NOXRED1: variants seen among roughly 807,000 people sequenced by gnomAD.
The protein encoded by NOXRED1 is NADP-dependent oxidoreductase domain-containing protein 1.
NOXRED1 carries 20 observed loss-of-function variants against 30.4 expected under a neutral mutation model. The ratio of observed to expected loss-of-function variants is 0.66; its 90% CI spans 0.46 to 0.96. The LOEUF is 0.96. NOXRED1 is among the 40% of genes least tolerant of loss of function. The pLI is 0.00. For synonymous variants in NOXRED1, 155 were observed against 168.0 expected (o/e 0.92, Z 0.60); for missense variants, 374 against 428.0 (o/e 0.87, Z 1.11).
chr14:77,415,901 A>C (rs1894808841), intron 1 of NOXRED1, among the ~76,000 whole-genome samples: 2 of 152,014 alleles, frequency 1.3e-5, no homozygotes, highest in African/African-American at 4.8e-5. Flanking sequence ...TTTTTAGTAG[A>C]GATGAGGTTC....
At chr14:77,408,433 T>G (rs1267391311) in intron 2 of NOXRED1, among the ~76,000 whole-genome samples, 1 of 151,870 alleles carries the variant, frequency 6.6e-6, no homozygotes, top group African/African-American at 2.4e-5. Flanking sequence ...AGGACTCAAG[T>G]GATCCTCCCA....
chr14:77,394,844 T>G (rs771348792), intron 5 of NOXRED1, 39 bp from the exon 6 acceptor site: 1 of 1,473,588 alleles, frequency 6.8e-7, no homozygotes, highest in East Asian at 2.3e-5. Flanking sequence ...TTATGTCTGT[T>G]CAGTATATCT....
intron 2 of NOXRED1, among the ~76,000 whole-genome samples, chr14:77,413,107 C>G (rs1385940098): frequency 6.6e-6 from 1 of 152,060 alleles, no homozygotes; most frequent in African/African-American, 2.4e-5. Context: ...CCCATTTAAC[C>G]CATACCTCTC....
intron 5 of NOXRED1, among the ~76,000 whole-genome samples, chr14:77,401,329 G>A (rs868529523): frequency 3.3e-5 from 5 of 151,826 alleles, no homozygotes; most frequent in South Asian, 2.1e-4. Flanking sequence ...CCAAGATGGC[G>A]CCACTGCACT....
In NOXRED1 at chr14:77,422,788, C is replaced by T. The variant is rs371769717; in HGVS notation, c.102G>A (p.Met34Ile). The change falls in exon 1 of 6, where the codon ATG becomes ATA. Residue 34 changes from methionine (M) to isoleucine (I), a missense_variant. Transcript: ENST00000380835. ...LYLQGRSRGL[M>I]IEACAHATFF... ...AGGTTGCATGGGCACAAGCCTCGATCATCAGTCCCCGAGAACGGCCCTGCA... is the reference window on the plus strand; with the variant it reads ...AGGTTGCATGGGCACAAGCCTCGATTATCAGTCCCCGAGAACGGCCCTGCA... 7 of 1,614,034 alleles carry T rather than the reference C, an allele frequency of 4.3e-6. No homozygotes were observed. Among genetic ancestry groups the T allele is most frequent in the African/African-American group, 2.7e-5 (2 of 74,936 alleles).
intron 5 of NOXRED1, among the ~76,000 whole-genome samples, chr14:77,403,877 GAAA>G (rs1325854412): frequency 6.6e-6 from 1 of 152,070 alleles, no homozygotes; most frequent in Non-Finnish European, 1.5e-5. Flanking sequence ...TCTAGAAGCT[GAAA>G]GACAATGAAG....
intron 2 of NOXRED1, among the ~76,000 whole-genome samples, chr14:77,408,892 A>ATTTTTTTTTTTTATTTTTTTTTTTTTTTT (rs1894557117): frequency 1.5e-5 from 1 of 68,154 alleles, no homozygotes; most frequent in Non-Finnish European, 2.7e-5. Context: ...CTGGTAGTTA[A>ATTTTTTTTTTTTATTTTTTTTTTTTTTTT]TTTTTTTTTT....
chr14:77,419,428 T>G (rs1164531443), intron 1 of NOXRED1, among the ~76,000 whole-genome samples: 1 of 83,900 alleles, frequency 1.2e-5, no homozygotes, highest in African/African-American at 4.0e-5. Flanking sequence ...GGTTGACAGG[T>G]TTTTTTTTTT....
chr14:77,412,854 T>C (rs979235447), intron 2 of NOXRED1, among the ~76,000 whole-genome samples: 1 of 151,266 alleles, frequency 6.6e-6, no homozygotes, highest in East Asian at 1.9e-4. Flanking sequence ...TGATACATTA[T>C]GTAAAAAAAA....
At chr14:77,407,937 G>A (rs1202685635) in intron 2 of NOXRED1, among the ~76,000 whole-genome samples, 5 of 145,992 alleles carry the variant, frequency 3.4e-5, no homozygotes, top group African/African-American at 5.0e-5. Flanking sequence ...GCGTAATCTC[G>A]GCTCACTGCA....
chr14:77,423,613 C>T (rs1895058240), upstream of NOXRED1: 1 of 152,170 alleles, frequency 6.6e-6, no homozygotes, highest in Admixed American at 6.6e-5. Flanking sequence ...AAGAGGCCAG[C>T]CCCACTTAGA....
intron 5 of NOXRED1, among the ~76,000 whole-genome samples, chr14:77,403,442 G>C (rs1476551208): frequency 2.0e-5 from 3 of 151,936 alleles, no homozygotes; most frequent in Non-Finnish European, 4.4e-5. Context: ...CCATCTATTG[G>C]ATTATTTTGA....
chr14:77,417,358 C>G (rs535078226), intron 1 of NOXRED1, among the ~76,000 whole-genome samples: 2 of 152,290 alleles, frequency 1.3e-5, no homozygotes, highest in Admixed American at 1.3e-4. Flanking sequence ...AACCTTTTGT[C>G]TGGTTGTTCT....
chr14:77,413,947 C>T lies in NOXRED1; in HGVS notation c.336G>A (p.Arg112=). ...PAESLRISTR[R]PETLGELQKL... is the part of the protein sequence containing the mutation. ...ACTGCTCCTCACCCAGAGTCTCTGG[C>T]CTCCGAGTGGAGATCCGCAGGCTTT... The change falls in exon 2 of 6, where the codon AGG becomes AGA. Residue 112 remains arginine, a synonymous_variant. Transcript: ENST00000380835. 1 of 1,589,822 alleles carries T rather than the reference C, an allele frequency of 6.3e-7. No individual in the cohort carries two copies. Among genetic ancestry groups the T allele is most frequent in the South Asian group, 1.1e-5 (1 of 88,746 alleles).
chr14:77,418,554 G>C (rs555507123), intron 1 of NOXRED1, among the ~76,000 whole-genome samples: 9 of 151,924 alleles, frequency 5.9e-5, no homozygotes, highest in African/African-American at 2.2e-4. Flanking sequence ...TTATGAGACA[G>C]GGTCTCGCTC....
chr14:77,422,904 T>C lies in NOXRED1; in HGVS notation c.-15A>G. On this transcript the variant is annotated 5_prime_UTR_variant, in exon 1 of 6. Transcript: ENST00000380835. ...AGCATGTCCATTTCCAAGCCACTAT[T>C]TCCTGCAGTGATAGACACTAATCAA... The C allele has an allele frequency of 6.2e-7, 1 of 1,607,658 alleles. No homozygotes were observed. The highest frequency in any genetic ancestry group is 1.3e-5 in the African/African-American group (1 of 74,606).
intron 2 of NOXRED1, among the ~76,000 whole-genome samples, chr14:77,413,386 G>GC (rs1894714326): frequency 4.6e-5 from 7 of 151,724 alleles, no homozygotes; most frequent in Non-Finnish European, 8.8e-5. Flanking sequence ...CTACAGGCAC[G>GC]CACCATCATG....
intron 5 of NOXRED1, among the ~76,000 whole-genome samples, chr14:77,400,066 A>C (rs1894287289): frequency 6.6e-6 from 1 of 152,188 alleles, no homozygotes; most frequent in African/African-American, 2.4e-5. Flanking sequence ...GCAGTGAAAT[A>C]TTTAAAGTGC....
In NOXRED1 at chr14:77,411,469, C is replaced by CAA. The variant is rs368123770; in HGVS notation, c.349+2463_349+2464dup. Among the ~76,000 whole-genome samples, 402 of 97,280 alleles carry CAA rather than the reference C, an allele frequency of 4.1e-3. 4 individuals carry two copies. Among genetic ancestry groups the CAA allele is most frequent in the African/African-American group, 0.011 (315 of 28,364 alleles). The allele number at this position is 97,280 out of a possible 152,430, so 63.8% of individuals were successfully genotyped here. On this transcript the variant is annotated intron_variant, in intron 2 of 5. Transcript: ENST00000380835. ...TGGGTGACAGAGTGAGACTCTGTCT[C>CAA]AAAAAAAAAAAAAAAAAAAAAACTT...
Sources: gnomAD v4.1 joint callset for allele counts (sites outside exome capture counted in the v4.1 genomes callset) on GRCh38, gnomAD v4.1.1 for gene constraint, MANE v1.5 for transcripts, NCBI Gene and HGNC (gene_info 2026-07-23, HGNC 2026-07-21) for gene names.